The following PCDH15 variants were observed in gnomAD, a reference collection of about 807,000 sequenced individuals.
PCDH15 encodes protocadherin-15.
PCDH15 carries 129 observed loss-of-function variants against 178.5 expected under a neutral mutation model. The observed-to-expected ratio is 0.72, with a 90% CI of 0.63 to 0.84. The LOEUF is 0.84. Ranked by LOEUF, PCDH15 falls within the 40% of genes least tolerant of loss-of-function variation. The pLI is 0.00. For missense variants in PCDH15, 2,230 were observed against 2,099.9 expected, an observed-to-expected ratio of 1.06 and a Z score of -1.21; for synonymous variants, 800 against 732.0, an observed-to-expected ratio of 1.09 and a Z score of -1.50.
intron 1 of PCDH15, among the ~76,000 whole-genome samples, chr10:55,223,044 G>A (rs921929296): frequency 3.3e-5 from 5 of 152,024 alleles, no homozygotes; most frequent in Admixed American, 6.5e-5. Flanking sequence ...CTGCAATGAT[G>A]GGAAGGTTTT....
At chr10:54,965,787 CTAAT>C (rs970530974) in intron 2 of PCDH15, among the ~76,000 whole-genome samples, 11 of 150,742 alleles carry the variant, frequency 7.3e-5, no homozygotes, top group South Asian at 4.2e-4. Context: ...ATAAAATAAA[CTAAT>C]TAATATGAAA....
chr10:55,025,523 T>C (rs943220221), intron 2 of PCDH15, among the ~76,000 whole-genome samples: 1 of 152,160 alleles, frequency 6.6e-6, no homozygotes, highest in Non-Finnish European at 1.5e-5. Context: ...TGAAAATTAT[T>C]ATAGTCAGTT....
intron 2 of PCDH15, among the ~76,000 whole-genome samples, chr10:55,548,739 A>G (rs1841943038): frequency 6.6e-6 from 1 of 152,170 alleles, no homozygotes; most frequent in Non-Finnish European, 1.5e-5. Flanking sequence ...TTTAAGGGTC[A>G]GGAGATAAGA....
At chr10:54,558,410 T>C (rs546409175) in intron 2 of PCDH15, among the ~76,000 whole-genome samples, 1 of 152,218 alleles carries the variant, frequency 6.6e-6, no homozygotes, top group East Asian at 1.9e-4. Context: ...AGGCTGCTTG[T>C]TTCCACATGC....
intron 1 of PCDH15, among the ~76,000 whole-genome samples, chr10:55,308,808 C>T (rs1322725564): frequency 6.6e-6 from 1 of 152,114 alleles, no homozygotes; most frequent in East Asian, 1.9e-4. Context: ...AAGAAAACCA[C>T]ATTGCTAAAG....
intron 2 of PCDH15, among the ~76,000 whole-genome samples, chr10:55,555,153 T>G (rs1045180481): frequency 3.9e-5 from 6 of 152,104 alleles, no homozygotes; most frequent in Non-Finnish European, 8.8e-5. Flanking sequence ...CCAATTAAAA[T>G]TATTACCAGT....
At chr10:54,701,177 T>C (rs1470594023) in intron 1 of PCDH15, among the ~76,000 whole-genome samples, 1 of 152,082 alleles carries the variant, frequency 6.6e-6, no homozygotes, top group East Asian at 1.9e-4. Context: ...CTTATCTAAT[T>C]CCAACCAAAA....
intron 2 of PCDH15, among the ~76,000 whole-genome samples, chr10:54,627,723 A>G (rs2093595727): frequency 6.6e-6 from 1 of 152,200 alleles, no homozygotes; most frequent in Non-Finnish European, 1.5e-5. Flanking sequence ...TAGACATTTA[A>G]GTGGGCTGGG....
intron 2 of PCDH15, among the ~76,000 whole-genome samples, chr10:55,488,432 G>A (rs1840345361): frequency 6.6e-6 from 1 of 151,516 alleles, no homozygotes; most frequent in South Asian, 2.1e-4. Context: ...AGCAAGTTAG[G>A]TAGTCATGTC....
At chr10:54,071,659 T>C (rs2094245469) in intron 17 of PCDH15, among the ~76,000 whole-genome samples, 1 of 152,260 alleles carries the variant, frequency 6.6e-6, no homozygotes, top group Non-Finnish European at 1.5e-5. Flanking sequence ...GAAACATGTA[T>C]GCTTAGAATT....
chr10:54,934,717 T>A (rs1332996912), intron 2 of PCDH15, among the ~76,000 whole-genome samples: 2 of 151,410 alleles, frequency 1.3e-5, no homozygotes, highest in Non-Finnish European at 2.9e-5. Context: ...GACCCAGCCA[T>A]CCCATTACTG....
chr10:54,323,535 T>A (rs905108199), intron 7 of PCDH15, among the ~76,000 whole-genome samples: 2 of 152,042 alleles, frequency 1.3e-5, no homozygotes, highest in African/African-American at 4.8e-5. Flanking sequence ...TACAAAGCCA[T>A]AGAAAAGAAT....
At chr10:54,354,681 T>G (rs923273173) in intron 5 of PCDH15, among the ~76,000 whole-genome samples, 1 of 152,156 alleles carries the variant, frequency 6.6e-6, no homozygotes, top group Non-Finnish European at 1.5e-5. Flanking sequence ...CCATAATTTA[T>G]TTCATATTAA....
chr10:54,105,281 T>G (rs1241139882), intron 15 of PCDH15, among the ~76,000 whole-genome samples: 4 of 11,588 alleles, frequency 3.5e-4, no homozygotes, highest in Non-Finnish European at 5.7e-4. Flanking sequence ...GATGGAGATA[T>G]ATATATATAT....
chr10:54,902,969 A>G (rs922329200), intron 2 of PCDH15, among the ~76,000 whole-genome samples: 2 of 152,174 alleles, frequency 1.3e-5, no homozygotes, highest in South Asian at 2.1e-4. Context: ...GGGGATTATC[A>G]TCACAATGTA....
intron 17 of PCDH15, among the ~76,000 whole-genome samples, chr10:54,073,233 T>C (rs954636974): frequency 2.7e-5 from 4 of 150,582 alleles, no homozygotes; most frequent in Non-Finnish European, 5.9e-5. Flanking sequence ...CTGTATACTA[T>C]AGTATATATA....
At chr10:55,192,962 C>T (rs1048263072) in intron 1 of PCDH15, among the ~76,000 whole-genome samples, 1 of 145,498 alleles carries the variant, frequency 6.9e-6, no homozygotes, top group African/African-American at 2.5e-5. Context: ...AGGTAGATTT[C>T]CTTTCCTATC....
intron 8 of PCDH15, among the ~76,000 whole-genome samples, chr10:54,252,731 G>C (rs778992861): frequency 6.6e-6 from 1 of 151,546 alleles, no homozygotes; most frequent in African/African-American, 2.4e-5. Flanking sequence ...TATCAGATTA[G>C]ACCAATTAAT....
At chr10:54,235,203 C>A (rs1413887375) in intron 9 of PCDH15, among the ~76,000 whole-genome samples, 1 of 152,150 alleles carries the variant, frequency 6.6e-6, no homozygotes, top group Non-Finnish European at 1.5e-5. Flanking sequence ...CAATCCCATT[C>A]ATATGATCGA....
Sources: gnomAD v4.1 joint callset for allele counts (sites outside exome capture counted in the v4.1 genomes callset) on GRCh38, gnomAD v4.1.1 for gene constraint, MANE v1.5 for transcripts, NCBI Gene and HGNC (gene_info 2026-07-23, HGNC 2026-07-21) for gene names.